Variants in CD27 observed in about 807,000 individuals in gnomAD.
CD27 encodes the protein CD27 molecule.
Under a neutral mutation model 25.9 loss-of-function variants are expected in CD27, and 16 were observed. The observed-to-expected ratio is 0.62, with a 90% CI of 0.42 to 0.94. CD27 has a LOEUF of 0.94. Ranked by LOEUF, CD27 falls within the 40% of genes least tolerant of loss-of-function variation. The pLI is 0.00. For missense variants in CD27, 300 were observed against 333.2 expected, an observed-to-expected ratio of 0.90 and a Z score of 0.78; for synonymous variants, 142 against 124.3, an observed-to-expected ratio of 1.14 and a Z score of -0.95.
rs567145316 is a variant in CD27 at position 6,451,494 on chromosome 12, C to A, written c.*102C>A. 2 of 1,279,062 alleles carry A rather than the reference C, an allele frequency of 1.6e-6. No individual in the cohort carries two copies. Among genetic ancestry groups the A allele is most frequent in the African/African-American group, 2.9e-5 (2 of 67,866 alleles). 79.2% of individuals were successfully genotyped at this position (1,279,062 alleles called of 1,614,324 possible). A position where few individuals can be genotyped will look rare whatever the true frequency, so the allele number is the denominator to read the frequency against. On this transcript the variant is annotated 3_prime_UTR_variant, in exon 6 of 6. Transcript: ENST00000266557. ...CTGGCAGCCACAACTGCAGTCCCATCCTCTTGTCAGGGCCCTTTCCTGTGT... is the reference window on the plus strand; with the variant it reads ...CTGGCAGCCACAACTGCAGTCCCATACTCTTGTCAGGGCCCTTTCCTGTGT...
rs761113232 is a variant in CD27, at chr12:6,450,181, G to A, written c.277G>A (p.Val93Ile). 1.1e-5 allele frequency: 17 copies of A among 1,611,840 alleles called. No homozygotes were observed. The highest frequency in any genetic ancestry group is 8.9e-5 in the East Asian group (4 of 44,890). ...SCRHCNSGLL[V>I]RNCTITANAE... is the part of the protein sequence containing the mutation. ...GGCCTCTCTTCCCCCAGGTCTTCTCGTTCGCAACTGCACCATCACTGCCAA... is the reference window on the plus strand; with the variant it reads ...GGCCTCTCTTCCCCCAGGTCTTCTCATTCGCAACTGCACCATCACTGCCAA... The change falls in exon 3 of 6, where the codon GTT (valine) becomes ATT (isoleucine). Residue 93 changes from valine to isoleucine, a missense_variant. By Grantham distance (29) the Val-to-Ile change is conservative (BLOSUM62 3). Coordinates refer to ENST00000266557, the MANE Select transcript of CD27 (RefSeq NM_001242.5). This position sits in a 1 kb window ranked among gnomAD's most constrained non-coding sequence, Gnocchi z 4.1.
chr12:6,450,600 C>T lies in CD27; in HGVS notation c.508C>T (p.Pro170Ser), dbSNP rs1949517043. 3 of 1,612,960 alleles carry T rather than the reference C, an allele frequency of 1.9e-6. No homozygotes were observed. The highest frequency in any genetic ancestry group is 2.5e-6 in the Non-Finnish European group (3 of 1,180,016). ...MQTLADFRQL[P>S]ARTLSTHWPP... ...GACTCTGGCTGACTTCAGGCAGCTG[C>T]CTGCCCGGACTCTCTCTACCCACTG... Residue 170 changes from proline (P) to serine (S), a missense_variant, in exon 4 of 6, where the codon CCT becomes TCT. Physicochemically the swap from Pro to Ser is moderately conservative, Grantham distance 74. Transcript: ENST00000266557. This position sits in a 1 kb window ranked among gnomAD's most constrained non-coding sequence, Gnocchi z 4.1.
intron 2 of CD27, chr12:6,448,816 ATTAT>A (rs142898686): frequency 0.2 from 30,651 of 151,972 alleles, 4,146 homozygotes; most frequent in Non-Finnish European, 0.31. Context: ...GTAACTATTT[ATTAT>A]TTATTTATTT....
Position 6,451,409 on chromosome 12 carries a change from G to A in CD27, c.*17G>A. ...TCCCCCTGAGCCAGCACCTGCGGGA[G>A]CTGCACTACAGCCCTGGCCTCCACC... On this transcript the variant is annotated 3_prime_UTR_variant, in exon 6 of 6. Coordinates refer to ENST00000266557, the MANE Select transcript of CD27 (RefSeq NM_001242.5). 6.2e-7 allele frequency: 1 copy of A among 1,609,930 alleles called. No homozygotes were observed.
At chr12:6,447,769 G>A (rs1259218825) in intron 2 of CD27, 1 of 151,944 alleles carries the variant, frequency 6.6e-6, no homozygotes. Flanking sequence ...ATCTCCTAAT[G>A]CTATCCCTCC....
rs1270111445 is a variant in CD27 at position 6,450,892 on chromosome 12, C to T, written c.539-3C>T. On this transcript the variant is annotated splice_region_variant and splice_polypyrimidine_tract_variant and intron_variant, in intron 4 of 5. Coordinates refer to ENST00000266557, the MANE Select transcript of CD27 (RefSeq NM_001242.5). This position sits in a 1 kb window ranked among gnomAD's most constrained non-coding sequence, Gnocchi z 4.1. ...AACCCCTGTGTGTCCCCTCCTATTA[C>T]AGCCCAAAGATCCCTGTGCAGCTCC... is the stretch of plus-strand genomic sequence containing the variant. The T allele has an allele frequency of 1.2e-6, 2 of 1,614,118 alleles. No homozygotes were observed. The highest frequency in any genetic ancestry group is 4.5e-5 in the East Asian group (2 of 44,882).
In CD27 at chr12:6,448,938, C is replaced by G. The variant is rs530743896; in HGVS notation, c.269-1235C>G. 3.8e-3 allele frequency among the ~76,000 whole-genome samples: 577 copies of G among 152,162 alleles called. 1 individual carries two copies. The highest frequency in any genetic ancestry group is 0.013 in the African/African-American group (550 of 41,476). ...AGCAATGACTCCCCATTTCTTCCCC[C>G]CAACCAACCCCAGCCCCAGCCCCAG... On this transcript the variant is annotated intron_variant, in intron 2 of 5. Transcript: ENST00000266557.
intron 5 of CD27, 121 bp downstream of exon 5, chr12:6,451,135 C>T: frequency 1.9e-6 from 3 of 1,540,268 alleles, no homozygotes; most frequent in Admixed American, 3.4e-5. Flanking sequence ...AGCCTTGGTC[C>T]TACCCCTTCT....
Position 6,445,206 on chromosome 12 carries a change from G to A in CD27, c.111G>A (p.Lys37=). 1 of 1,613,972 alleles carries A rather than the reference G, an allele frequency of 6.2e-7. No individual in the cohort carries two copies. The highest frequency in any genetic ancestry group is 1.3e-5 in the African/African-American group (1 of 75,058). ...CPERHYWAQG[K]LCCQMCEPGT... Reference sequence around the variant, plus strand: ...AGAGGCACTACTGGGCTCAGGGAAAGCTGTGCTGCCAGATGTGTGAGCCAG... The same window carrying A: ...AGAGGCACTACTGGGCTCAGGGAAAACTGTGCTGCCAGATGTGTGAGCCAG... Residue 37 remains lysine, a synonymous_variant, in exon 1 of 6, where the codon AAG becomes AAA. Coordinates refer to ENST00000266557, the MANE Select transcript of CD27 (RefSeq NM_001242.5). This position sits in a 1 kb window ranked among gnomAD's most constrained non-coding sequence, Gnocchi z 4.5.
At chr12:6,449,342 T>G (rs1426225147) in intron 2 of CD27, among the ~76,000 whole-genome samples, 1 of 114,298 alleles carries the variant, frequency 8.7e-6, no homozygotes, top group East Asian at 2.7e-4. Flanking sequence ...GAGACGGAGT[T>G]TCACTCTGTT....
chr12:6,451,243 A>C (rs1292379081), intron 5 of CD27, 25 bp from the exon 6 acceptor site: 11 of 1,612,220 alleles, frequency 6.8e-6, no homozygotes, highest in Non-Finnish European at 9.3e-6. Flanking sequence ...CTGCTGGCCA[A>C]GACTCATCGG....
Position 6,445,449 on chromosome 12 carries a change from C to T in CD27, c.162C>T (p.Asp54=). 6.2e-7 allele frequency: 1 copy of T among 1,614,202 alleles called. No individual in the cohort carries two copies. Among genetic ancestry groups the T allele is most frequent in the Non-Finnish European group, 8.5e-7 (1 of 1,180,032 alleles). The change falls in exon 2 of 6, where the codon GAC becomes GAT. Residue 54 remains aspartate, a synonymous_variant. Transcript: ENST00000266557. The surrounding 1 kb of genome is among the most constrained non-coding windows in gnomAD (Gnocchi z 4.5). ...GAACATTCCTCGTGAAGGACTGTGACCAGCATAGAAAGGCTGCTCAGTGTG... is the reference window on the plus strand; with the variant it reads ...GAACATTCCTCGTGAAGGACTGTGATCAGCATAGAAAGGCTGCTCAGTGTG... ...EPGTFLVKDC[D]QHRKAAQCDP...
intron 5 of CD27, 122 bp from the exon 6 acceptor site, chr12:6,451,146 C>T (rs1949536073): frequency 6.6e-7 from 1 of 1,525,884 alleles, no homozygotes. Context: ...TACCCCTTCT[C>T]TCCCCTTAGC....
At chr12:6,448,091 T>C (rs1369743055) in intron 2 of CD27, 1 of 152,332 alleles carries the variant, frequency 6.6e-6, no homozygotes, top group East Asian at 1.9e-4. Context: ...AGAGTCAGCA[T>C]TCATTAGCAG....
At position 6,445,512 on chromosome 12, in the gene CD27, C is replaced by G; in HGVS notation, c.225C>G (p.His75Gln). Residue 75 changes from histidine to glutamine, a missense_variant, in exon 2 of 6, where the codon CAC becomes CAG. By Grantham distance (24) the His-to-Gln change is conservative. Transcript: ENST00000266557. The surrounding 1 kb of genome is among the most constrained non-coding windows in gnomAD (Gnocchi z 4.5). ...CGGGGGTCTCCTTCTCTCCTGACCA[C>G]CACACCCGGCCCCACTGTGAGAGCT... The part of the protein sequence containing the change: ...CIPGVSFSPD[H>Q]HTRPHCESCR... 1 of 1,613,980 alleles carries G rather than the reference C, an allele frequency of 6.2e-7. No individual in the cohort carries two copies. Among genetic ancestry groups the G allele is most frequent in the East Asian group, 2.2e-5 (1 of 44,886 alleles).
Position 6,445,551 on chromosome 12 carries a change from C to A in CD27, c.264C>A (p.Asn88Lys), listed in dbSNP as rs1345521143. 6.2e-7 allele frequency: 1 copy of A among 1,613,352 alleles called. No homozygotes were observed. Among genetic ancestry groups the A allele is most frequent in the Admixed American group, 1.7e-5 (1 of 59,994 alleles). Residue 88 changes from asparagine (N) to lysine (K), a missense_variant, in exon 2 of 6, where the codon AAC becomes AAA. Coordinates refer to ENST00000266557, the MANE Select transcript of CD27 (RefSeq NM_001242.5). This position sits in a 1 kb window ranked among gnomAD's most constrained non-coding sequence, Gnocchi z 4.5. ...ACTGTGAGAGCTGTCGGCACTGTAA[C>A]TCTGGTGAGGTGGGCAAGGGTGTGT... Reference protein sequence around the residue: ...RPHCESCRHCNSGLLVRNCTI... With the variant: ...RPHCESCRHCKSGLLVRNCTI...
At chr12:6,444,599 G>C (rs986751159), upstream of CD27, among the ~76,000 whole-genome samples, 10 of 146,010 alleles carry the variant, frequency 6.8e-5, no homozygotes, top group African/African-American at 2.5e-4. Context: ...TGTGAAAGGA[G>C]GGATGCAGGT....
Position 6,451,322 on chromosome 12 carries a change from G to C in CD27, c.713G>C (p.Arg238Thr), listed in dbSNP as rs75524088. The change falls in exon 6 of 6, where the codon AGG becomes ACG. Residue 238 changes from arginine (R) to threonine (T), a missense_variant. By Grantham distance (71) the Arg-to-Thr change is moderately conservative. Transcript: ENST00000266557. ...PAEPCHYSCP[R>T]EEEGSTIPIQ... ...GAGCCTTGTCATTACAGCTGCCCCA[G>C]GGAGGAGGAGGGCAGCACCATCCCC... is the stretch of plus-strand genomic sequence containing the variant. The C allele has an allele frequency of 2.5e-6, 4 of 1,613,440 alleles. No individual in the cohort carries two copies. Among genetic ancestry groups the C allele is most frequent in the Non-Finnish European group, 3.4e-6 (4 of 1,179,556 alleles).
In CD27 at chr12:6,445,183, A is replaced by G. The variant is rs1265131135; in HGVS notation, c.88A>G (p.Arg30Gly). 6.2e-6 allele frequency: 10 copies of G among 1,612,978 alleles called. No homozygotes were observed. The highest frequency in any genetic ancestry group is 8.5e-6 in the Non-Finnish European group (10 of 1,179,644). ...ATPAPKSCPE[R>G]HYWAQGKLCC... ...TCCAGCCCCCAAGAGCTGCCCAGAG[A>G]GGCACTACTGGGCTCAGGGAAAGCT... The change falls in exon 1 of 6, where the codon AGG becomes GGG. Residue 30 changes from arginine to glycine, a missense_variant. By Grantham distance (125) the Arg-to-Gly change is moderately radical. Transcript: ENST00000266557. This position sits in a 1 kb window ranked among gnomAD's most constrained non-coding sequence, Gnocchi z 4.5.
Sources: allele counts gnomAD v4.1 joint callset (sites outside exome capture counted in the v4.1 genomes callset), GRCh38; gene constraint gnomAD v4.1.1; non-coding constraint Gnocchi (gnomAD v3.1); transcripts MANE v1.5; gene names NCBI Gene and HGNC (gene_info 2026-07-23, HGNC 2026-07-21).